Variants in ZC3H15 observed in about 807,000 individuals in gnomAD.
ZC3H15 encodes the protein zinc finger CCCH-type containing 15.
A neutral mutation model predicts 51.2 loss-of-function variants in ZC3H15; 15 were observed. That is an observed-to-expected ratio of 0.29 (90% CI 0.20 to 0.45). ZC3H15 has a LOEUF of 0.45. Ranked by LOEUF, ZC3H15 falls within the 20% of genes least tolerant of loss-of-function variation. The pLI is 1.00. For missense variants in ZC3H15, 381 were observed against 494.7 expected (o/e 0.77, Z 2.18); for synonymous variants, 144 against 162.8 (o/e 0.88, Z 0.88).
At chr2:186,498,183 A>T (rs62200581) in intron 2 of ZC3H15, among the ~76,000 whole-genome samples, 3 of 152,172 alleles carry the variant, frequency 2.0e-5, no homozygotes, top group Admixed American at 6.5e-5. Flanking sequence ...GCCTGCATCC[A>T]TACCCTTTCC....
In ZC3H15 at chr2:186,508,886, A is replaced by G. The variant is rs2105596252; in HGVS notation, c.*153A>G. 4 of 757,076 alleles carry G rather than the reference A, an allele frequency of 5.3e-6. No individual in the cohort carries two copies. The highest frequency in any genetic ancestry group is 1.7e-5 in the African/African-American group (1 of 57,154). 46.9% of individuals were successfully genotyped at this position (757,076 alleles called of 1,614,324 possible). On this transcript the variant is annotated 3_prime_UTR_variant, in exon 10 of 10. Transcript: ENST00000337859. ...TGCAAAAAAGGCATCTTGTCCCTAC[A>G]TCTTCTCTTCTGACTTTGGCTACAT... is the stretch of plus-strand genomic sequence containing the variant.
intron 1 of ZC3H15, among the ~76,000 whole-genome samples, chr2:186,487,721 TTA>T (rs1685124397): frequency 6.6e-6 from 1 of 152,226 alleles, no homozygotes; most frequent in Non-Finnish European, 1.5e-5. Flanking sequence ...GCATTCACTT[TTA>T]TGAAAACCAA....
intron 1 of ZC3H15, among the ~76,000 whole-genome samples, chr2:186,489,351 T>G (rs1272952427): frequency 2.0e-5 from 3 of 152,232 alleles, no homozygotes; most frequent in Non-Finnish European, 2.9e-5. Flanking sequence ...TATAGTCTGC[T>G]TCATTATATA....
In ZC3H15 at chr2:186,505,212, T is replaced by A. The variant is rs959230667; in HGVS notation, c.718-239T>A. On this transcript the variant is annotated intron_variant, in intron 6 of 9. Coordinates refer to ENST00000337859, the MANE Select transcript of ZC3H15 (RefSeq NM_018471.3). ...AAAACAATTTCTTATGACAAGTTACTCATCTTCAATGGTGAGAAGAAATCT... is the reference window on the plus strand; with the variant it reads ...AAAACAATTTCTTATGACAAGTTACACATCTTCAATGGTGAGAAGAAATCT... 13 of 247,716 alleles carry A rather than the reference T, an allele frequency of 5.2e-5. No individual in the cohort carries two copies. The South Asian group carries it at 6.5e-4, about 12-fold the overall frequency. The allele number at this position is 247,716 out of a possible 1,614,324, so 15.3% of individuals were successfully genotyped here. A position where few individuals can be genotyped will look rare whatever the true frequency, so the allele number is the denominator to read the frequency against.
At position 186,500,184 on chromosome 2, in the gene ZC3H15, A is replaced by G; in HGVS notation, c.180A>G (p.Val60=). 1 of 1,608,578 alleles carries G rather than the reference A, an allele frequency of 6.2e-7. No homozygotes were observed. The highest frequency in any genetic ancestry group is 8.5e-7 in the Non-Finnish European group (1 of 1,178,500). ...TTTTAAACCTGGGAATATTATAGGT[A>G]GCACAGAGTGAAGCTGAAAAGAAAT... ...VKFGQQNPRQ[V]AQSEAEKKLK... Residue 60 remains valine, a splice_region_variant and synonymous_variant, in exon 3 of 10, where the codon GTA becomes GTG. Coordinates refer to ENST00000337859, the MANE Select transcript of ZC3H15 (RefSeq NM_018471.3).
chr2:186,505,968 A>G (rs1559013042), intron 8 of ZC3H15, 127 bp downstream of exon 8: 2 of 925,118 alleles, frequency 2.2e-6, no homozygotes, highest in Non-Finnish European at 3.5e-6. Context: ...TACTCCAACC[A>G]TGGGAAATTA....
chr2:186,496,838 A>C (rs1280074231), intron 2 of ZC3H15, among the ~76,000 whole-genome samples: 1 of 152,208 alleles, frequency 6.6e-6, no homozygotes, highest in Admixed American at 6.5e-5. Flanking sequence ...TAGAGTAAAA[A>C]TATGGTATTA....
intron 2 of ZC3H15, among the ~76,000 whole-genome samples, chr2:186,497,882 T>C (rs1041193968): frequency 2.0e-5 from 3 of 152,192 alleles, no homozygotes; most frequent in Non-Finnish European, 4.4e-5. Flanking sequence ...ACCCATCATA[T>C]ATAACATCGG....
chr2:186,503,205 G>A (rs1685414800), intron 5 of ZC3H15, among the ~76,000 whole-genome samples: 1 of 152,088 alleles, frequency 6.6e-6, no homozygotes, highest in South Asian at 2.1e-4. Context: ...GATACTGTTT[G>A]TTAATTTTCT....
chr2:186,488,178 T>G (rs1475100200), intron 1 of ZC3H15, among the ~76,000 whole-genome samples: 1 of 152,188 alleles, frequency 6.6e-6, no homozygotes, highest in African/African-American at 2.4e-5. Context: ...AATTTATTTT[T>G]TGTTGAGGTA....
intron 8 of ZC3H15, among the ~76,000 whole-genome samples, 166 bp from the exon 9 acceptor site, chr2:186,506,547 C>G (rs1285718456): frequency 6.6e-6 from 1 of 152,212 alleles, no homozygotes; most frequent in Non-Finnish European, 1.5e-5. Flanking sequence ...CCACCTCGAC[C>G]TCCCAAAGTG....
At chr2:186,504,965 A>C (rs1288867613) in intron 6 of ZC3H15, 3 of 152,228 alleles carry the variant, frequency 2.0e-5, no homozygotes, top group African/African-American at 7.2e-5. Flanking sequence ...TGTGGGGATC[A>C]GTGCATAGTG....
rs1397009488 is a variant in ZC3H15, at chr2:186,506,768, A to T, written c.1022A>T (p.Asp341Val). Reference sequence around the variant, plus strand: ...GATTTAAGCCTGTACATCCCAAGAGATGTAGATGAAACAGGTATTACTGTA... The same window carrying T: ...GATTTAAGCCTGTACATCCCAAGAGTTGTAGATGAAACAGGTATTACTGTA... The part of the protein sequence containing the change: ...DIDLSLYIPR[D>V]VDETGITVAS... The change falls in exon 9 of 10, where the codon GAT (aspartate) becomes GTT (valine). Residue 341 changes from aspartate (D) to valine (V), a missense_variant. By Grantham distance (152) the Asp-to-Val change is radical. Coordinates refer to ENST00000337859, the MANE Select transcript of ZC3H15 (RefSeq NM_018471.3). 2 of 1,613,684 alleles carry T rather than the reference A, an allele frequency of 1.2e-6. No individual in the cohort carries two copies. Among genetic ancestry groups the T allele is most frequent in the East Asian group, 2.2e-5 (1 of 44,874 alleles).
chr2:186,493,675 C>T (rs1405862554), intron 1 of ZC3H15, among the ~76,000 whole-genome samples: 2 of 151,942 alleles, frequency 1.3e-5, no homozygotes, highest in Non-Finnish European at 2.9e-5. Context: ...AAATTAGTGT[C>T]AGCAGGGCCA....
In ZC3H15 at chr2:186,486,432, A is replaced by G. The variant is rs1275135403; in HGVS notation, c.50A>G (p.Gln17Arg). 2 of 1,567,996 alleles carry G rather than the reference A, an allele frequency of 1.3e-6. No homozygotes were observed. The highest frequency in any genetic ancestry group is 3.7e-5 in the Admixed American group (2 of 54,168). Residue 17 changes from glutamine to arginine, a missense_variant, in exon 1 of 10, where the codon CAA (glutamine) becomes CGA (arginine). Physicochemically the swap from Gln to Arg is conservative, Grantham distance 43. Coordinates refer to ENST00000337859, the MANE Select transcript of ZC3H15 (RefSeq NM_018471.3). ...AQAGGSKKAE[Q>R]KKKEKIIEDK... ...GCCGGGGGCAGCAAAAAGGCGGAGC[A>G]AAAAAAGAAGGAGAAGATTATCGAA...
intron 1 of ZC3H15, 46 bp downstream of exon 1, chr2:186,486,503 A>G: frequency 6.6e-7 from 1 of 1,511,018 alleles, no homozygotes; most frequent in South Asian, 1.3e-5. Flanking sequence ...CCCTCCGGAA[A>G]GCCACTTCCC....
At chr2:186,507,430 T>C in intron 9 of ZC3H15, 2 of 456,602 alleles carry the variant, frequency 4.4e-6, no homozygotes, top group Non-Finnish European at 4.4e-6. Context: ...CTTTTTAGGA[T>C]ATGGAAAACC....
intron 9 of ZC3H15, chr2:186,507,376 T>C (rs1159809722): frequency 2.2e-6 from 1 of 456,472 alleles, no homozygotes; most frequent in Admixed American, 2.3e-5. Context: ...AATACAGTCC[T>C]CTCTCTCTTA....
At chr2:186,487,051 A>C (rs1285308056) in intron 1 of ZC3H15, 5 of 152,308 alleles carry the variant, frequency 3.3e-5, no homozygotes, top group African/African-American at 4.8e-5. Flanking sequence ...AAGTGGATTA[A>C]ATAGGATAAC....
Sources: gnomAD v4.1 joint callset for allele counts (sites outside exome capture counted in the v4.1 genomes callset) on GRCh38, gnomAD v4.1.1 for gene constraint, MANE v1.5 for transcripts, NCBI Gene and HGNC (gene_info 2026-07-23, HGNC 2026-07-21) for gene names.